Variants in KCNC2 observed in about 807,000 individuals in gnomAD.
KCNC2 encodes the protein potassium voltage-gated channel subfamily C member 2, also known as voltage-gated potassium channel KCNC2.
In KCNC2, 21 loss-of-function variants were observed where a neutral mutation model predicts 44.5. The observed-to-expected ratio is 0.47, with a 90% CI of 0.33 to 0.68. KCNC2 has a LOEUF of 0.68. KCNC2 is among the 30% of genes least tolerant of loss of function. The pLI is 0.01. For missense variants in KCNC2, 589 were observed against 826.2 expected (o/e 0.71, Z 3.52); for synonymous variants, 391 against 339.1 (o/e 1.15, Z -1.68).
At chr12:75,053,897 A>G (rs1046789799) in intron 2 of KCNC2, among the ~76,000 whole-genome samples, 2 of 151,370 alleles carry the variant, frequency 1.3e-5, no homozygotes, top group Non-Finnish European at 2.9e-5. Flanking sequence ...GACAACATTC[A>G]TCTCAGAGGT....
Position 75,207,565 on chromosome 12 carries a change from A to G in KCNC2, c.419T>C (p.Phe140Ser), listed in dbSNP as rs1176262610. 1 of 1,612,130 alleles carries G rather than the reference A, an allele frequency of 6.2e-7. No homozygotes were observed. Among genetic ancestry groups the G allele is most frequent in the Admixed American group, 1.7e-5 (1 of 60,012 alleles). Residue 140 changes from phenylalanine (F) to serine (S), a missense_variant, in exon 2 of 5, where the codon TTC (phenylalanine) becomes TCC (serine). Coordinates refer to ENST00000549446, the MANE Select transcript of KCNC2 (RefSeq NM_139137.4). The surrounding 1 kb of genome is among the most constrained non-coding windows in gnomAD (Gnocchi z 4.1). ...CACGTCGGTCTCGTCGATGCCCCAG[A>G]AGGCCAGCTCCTCCTCGAAGAGCGG... ...CGPLFEEELA[F>S]WGIDETDVEP...
chr12:75,042,225 T>G lies in KCNC2; in HGVS notation c.*880A>C. 1.3e-6 allele frequency: 2 copies of G among 1,551,666 alleles called. No individual in the cohort carries two copies. Among genetic ancestry groups the G allele is most frequent in the South Asian group, 1.2e-5 (1 of 81,400 alleles). On this transcript the variant is annotated 3_prime_UTR_variant, in exon 5 of 5. Coordinates refer to ENST00000549446, the MANE Select transcript of KCNC2 (RefSeq NM_139137.4). ...CTGGGTATTTTTTTTTTTTAAAGAGTCTAGAACCAAGCAGCAATTTCTGGC... is the reference window on the plus strand; with the variant it reads ...CTGGGTATTTTTTTTTTTTAAAGAGGCTAGAACCAAGCAGCAATTTCTGGC...
chr12:75,058,779 T>A (rs1882009746), intron 2 of KCNC2, among the ~76,000 whole-genome samples: 1 of 151,976 alleles, frequency 6.6e-6, no homozygotes, highest in East Asian at 1.9e-4. Context: ...GCTCAGTAAT[T>A]TTTTTCTAAA....
intron 2 of KCNC2, among the ~76,000 whole-genome samples, chr12:75,093,527 C>T (rs947229084): frequency 5.9e-5 from 9 of 151,650 alleles, no homozygotes; most frequent in African/African-American, 2.2e-4. Flanking sequence ...TCCATTACAG[C>T]TTATTCATAA....
chr12:75,205,802 A>G (rs1716342652), intron 2 of KCNC2, among the ~76,000 whole-genome samples: 2 of 150,790 alleles, frequency 1.3e-5, no homozygotes, highest in African/African-American at 4.9e-5. Flanking sequence ...TTTAATTTAA[A>G]TGAATATGCA....
At chr12:75,120,314 G>A (rs1252827171) in intron 2 of KCNC2, among the ~76,000 whole-genome samples, 3 of 152,162 alleles carry the variant, frequency 2.0e-5, no homozygotes, top group Non-Finnish European at 4.4e-5. Context: ...GGGCATCTTG[G>A]CATTGAGGCT....
At chr12:75,089,900 T>C (rs1445428607) in intron 2 of KCNC2, among the ~76,000 whole-genome samples, 3 of 151,846 alleles carry the variant, frequency 2.0e-5, no homozygotes, top group Non-Finnish European at 2.9e-5. Flanking sequence ...GCAATGCAGA[T>C]ATAAAACATT....
chr12:75,096,977 T>C (rs773349120), intron 2 of KCNC2, among the ~76,000 whole-genome samples: 2 of 152,080 alleles, frequency 1.3e-5, no homozygotes, highest in Non-Finnish European at 2.9e-5. Context: ...CCATTGATAA[T>C]TGCCAAAACT....
chr12:75,091,405 T>G (rs911704220), intron 2 of KCNC2, among the ~76,000 whole-genome samples: 12 of 151,742 alleles, frequency 7.9e-5, no homozygotes, highest in Admixed American at 7.9e-4. Context: ...TGAATGATCA[T>G]AACATCTGTA....
intron 2 of KCNC2, among the ~76,000 whole-genome samples, chr12:75,090,565 C>T (rs1186189213): frequency 6.6e-6 from 1 of 151,564 alleles, no homozygotes; most frequent in Non-Finnish European, 1.5e-5. Context: ...CACCAGTGAC[C>T]CCTTACAAGC....
Position 75,207,705 on chromosome 12 carries a change from G to T in KCNC2, c.279C>A (p.Ser93Arg), listed in dbSNP as rs1593102725. 1 of 1,585,678 alleles carries T rather than the reference G, an allele frequency of 6.3e-7. No individual in the cohort carries two copies. Residue 93 changes from serine to arginine, a missense_variant, in exon 2 of 5, where the codon AGC becomes AGA. Physicochemically the swap from Ser to Arg is moderately radical, Grantham distance 110. Transcript: ENST00000549446. The surrounding 1 kb of genome is among the most constrained non-coding windows in gnomAD (Gnocchi z 4.1). ...GNCSSRGGRA[S>R]DHPGGGREFF... ...ACTCGCGGCCGCCACCGGGATGGTC[G>T]CTGGCCCTGCCGCCGCGGGAACTGC...
At chr12:75,197,462 T>C in intron 2 of KCNC2, among the ~76,000 whole-genome samples, 1 of 152,070 alleles carries the variant, frequency 6.6e-6, no homozygotes, top group East Asian at 1.9e-4. Flanking sequence ...GTCATCTTTG[T>C]TTCCTCCTTA....
chr12:75,124,178 G>A (rs1420715625), intron 2 of KCNC2: 1 of 152,148 alleles, frequency 6.6e-6, no homozygotes, highest in African/African-American at 2.4e-5. Context: ...GCAGATCAAT[G>A]TTTATGCTTC....
chr12:75,158,320 T>C (rs967577989), intron 2 of KCNC2, among the ~76,000 whole-genome samples: 2 of 151,904 alleles, frequency 1.3e-5, no homozygotes, highest in African/African-American at 4.8e-5. Flanking sequence ...AAAACAGTTA[T>C]CTGCACAGCT....
intron 2 of KCNC2, among the ~76,000 whole-genome samples, chr12:75,171,728 T>G (rs1214175300): frequency 6.6e-6 from 1 of 151,714 alleles, no homozygotes; most frequent in African/African-American, 2.4e-5. Context: ...TAATAAGAAT[T>G]TACTGCATAT....
At chr12:75,099,302 T>A (rs185972795) in intron 2 of KCNC2, among the ~76,000 whole-genome samples, 1 of 152,282 alleles carries the variant, frequency 6.6e-6, no homozygotes, top group East Asian at 1.9e-4. Context: ...AACTGTATAA[T>A]GCATTCAAGG....
chr12:75,194,539 G>C (rs2030591189), intron 2 of KCNC2, among the ~76,000 whole-genome samples: 1 of 152,190 alleles, frequency 6.6e-6, no homozygotes, highest in Non-Finnish European at 1.5e-5. Context: ...GTGGTGATTT[G>C]TTATGGAAGC....
At chr12:75,209,047 C>A (rs571009651) in intron 1 of KCNC2, among the ~76,000 whole-genome samples, 160 bp downstream of exon 1, 1 of 152,106 alleles carries the variant, frequency 6.6e-6, no homozygotes, top group African/African-American at 2.4e-5. Flanking sequence ...GTCTCGCTGA[C>A]AGTGTCCCTG....
intron 4 of KCNC2, among the ~76,000 whole-genome samples, chr12:75,045,463 C>G (rs1176635090): frequency 6.6e-6 from 1 of 151,676 alleles, no homozygotes; most frequent in South Asian, 2.1e-4. Context: ...ATTAGTAAAA[C>G]TATATATTAT....
Sources: gnomAD v4.1 joint callset for allele counts (sites outside exome capture counted in the v4.1 genomes callset) on GRCh38, gnomAD v4.1.1 for gene constraint, Gnocchi (gnomAD v3.1) non-coding constraint, MANE v1.5 for transcripts, NCBI Gene and HGNC (gene_info 2026-07-23, HGNC 2026-07-21) for gene names.